The following POU2F3 variants were observed in gnomAD, a reference collection of about 807,000 sequenced individuals.
POU2F3 encodes the protein POU class 2 homeobox 3.
Under a neutral mutation model 59.2 loss-of-function variants are expected in POU2F3, and 23 were observed. The observed-to-expected ratio is 0.39, with a 90% CI of 0.28 to 0.55. POU2F3 has a LOEUF of 0.55. POU2F3 is among the 20% of genes least tolerant of loss of function. POU2F3 has a pLI of 0.66. For missense variants in POU2F3, 473 were observed against 544.5 expected (o/e 0.87, Z 1.31); for synonymous variants, 190 against 214.6 (o/e 0.89, Z 1.00).
At chr11:120,272,102 G>A (rs1409036503) in intron 3 of POU2F3, among the ~76,000 whole-genome samples, 1 of 152,144 alleles carries the variant, frequency 6.6e-6, no homozygotes, top group East Asian at 1.9e-4. Context: ...TAACCGCCAG[G>A]CTCGGGGCAA....
chr11:120,313,924 G>T (rs753809369), intron 10 of POU2F3, among the ~76,000 whole-genome samples: 18 of 152,182 alleles, frequency 1.2e-4, no homozygotes, highest in South Asian at 2.1e-4. Context: ...TGAGACAAAA[G>T]AATCGCTTGA....
At chr11:120,247,426 T>C (rs530673839) in intron 2 of POU2F3, among the ~76,000 whole-genome samples, 20 of 152,166 alleles carry the variant, frequency 1.3e-4, no homozygotes, top group Non-Finnish European at 2.4e-4. Context: ...TAATTGGGGG[T>C]CTTGGCGGGG....
intron 3 of POU2F3, among the ~76,000 whole-genome samples, chr11:120,291,355 T>A (rs1478125442): frequency 6.6e-6 from 1 of 152,208 alleles, no homozygotes; most frequent in African/African-American, 2.4e-5. Context: ...AGCCCTGGCT[T>A]GGTCTTTAGG....
At chr11:120,278,026 A>G (rs939883959) in intron 3 of POU2F3, among the ~76,000 whole-genome samples, 1 of 152,210 alleles carries the variant, frequency 6.6e-6, no homozygotes, top group African/African-American at 2.4e-5. Context: ...AAAGTGTTAA[A>G]CAACTCTTTG....
At chr11:120,255,335 T>C (rs1199498346) in intron 2 of POU2F3, among the ~76,000 whole-genome samples, 1 of 151,906 alleles carries the variant, frequency 6.6e-6, no homozygotes, top group Non-Finnish European at 1.5e-5. Flanking sequence ...CTGCTTGGGC[T>C]GGAAAAAGGA....
At position 120,280,984 on chromosome 11, in the gene POU2F3, C is replaced by T. The variant is rs532767393; in HGVS notation, c.132+11740C>T. ...CCTGTGTGTGCCTGCAGGGAGGGGG[C>T]GGGCCCTGGCTTTCTCTTTGCCCCC... On this transcript the variant is annotated intron_variant, in intron 3 of 12. Coordinates refer to ENST00000543440, the MANE Select transcript of POU2F3 (RefSeq NM_014352.4). Among the ~76,000 whole-genome samples the T allele has an allele frequency of 2.6e-4, 40 of 152,252 alleles. 1 individual carries two copies. In the South Asian group the frequency reaches 7.9e-3, roughly 30 times the overall value.
intron 2 of POU2F3, among the ~76,000 whole-genome samples, chr11:120,264,628 C>A (rs569679205): frequency 1.3e-5 from 2 of 152,120 alleles, no homozygotes; most frequent in Non-Finnish European, 2.9e-5. Context: ...AGAAGCCTAG[C>A]CATCAGCTTA....
At chr11:120,297,193 T>G (rs934495477) in intron 3 of POU2F3, among the ~76,000 whole-genome samples, 2 of 152,190 alleles carry the variant, frequency 1.3e-5, no homozygotes, top group Non-Finnish European at 2.9e-5. Context: ...TAAAGTCACA[T>G]GGACACCCTC....
intron 3 of POU2F3, among the ~76,000 whole-genome samples, chr11:120,276,148 G>A (rs116274928): frequency 0.043 from 6,486 of 152,270 alleles, 446 homozygotes; most frequent in African/African-American, 0.14. Flanking sequence ...CCCACAACCA[G>A]GAGCAGCCTC....
upstream of POU2F3, chr11:120,236,709 T>G: frequency 6.7e-7 from 1 of 1,488,852 alleles, no homozygotes; most frequent in South Asian, 1.2e-5. Flanking sequence ...GAGGAAGGGG[T>G]AAAGGAGTTC....
rs912919671 is a variant in POU2F3, at chr11:120,305,126, G to A, written c.541G>A (p.Gly181Arg). Residue 181 changes from glycine (G) to arginine (R), a missense_variant, in exon 7 of 13, where the codon GGG (glycine) becomes AGG (arginine). Coordinates refer to ENST00000543440, the MANE Select transcript of POU2F3 (RefSeq NM_014352.4). The part of the protein sequence containing the change: ...PVPKHLPSSG[G>R]ADEPSDLEEL... The stretch of plus-strand genomic sequence containing the variant: ...GCCCAAGCATCTACCCAGCTCTGGA[G>A]GGGCCGATGAGCCCAGTGACCTCGA... The A allele has an allele frequency of 6.2e-7, 1 of 1,613,988 alleles. No individual in the cohort carries two copies. Among genetic ancestry groups the A allele is most frequent in the East Asian group, 2.2e-5 (1 of 44,862 alleles).
chr11:120,294,623 A>G (rs912360185), intron 3 of POU2F3, among the ~76,000 whole-genome samples: 29 of 152,368 alleles, frequency 1.9e-4, no homozygotes, highest in Middle Eastern at 6.8e-3. Flanking sequence ...TAACAGCTGT[A>G]AAAAGGGATT....
At chr11:120,299,050 C>T (rs776685028) in intron 4 of POU2F3, among the ~76,000 whole-genome samples, 77 of 152,310 alleles carry the variant, frequency 5.1e-4, no homozygotes, top group African/African-American at 1.5e-3. Context: ...CCCCAAGCAT[C>T]GGAATTATTA....
At chr11:120,261,678 G>A (rs948514482) in intron 2 of POU2F3, among the ~76,000 whole-genome samples, 2 of 152,190 alleles carry the variant, frequency 1.3e-5, no homozygotes, top group Admixed American at 6.5e-5. Flanking sequence ...ATGGTGAAGA[G>A]AGTTCTTTGG....
At chr11:120,246,568 T>C (rs1020558537) in intron 2 of POU2F3, 51 bp downstream of exon 2, 38 of 1,583,378 alleles carry the variant, frequency 2.4e-5, no homozygotes, top group Non-Finnish European at 3.2e-5. Context: ...AAGAGAGTTG[T>C]TGGGAATTGT....
At chr11:120,309,066 A>G (rs948389423) in intron 9 of POU2F3, among the ~76,000 whole-genome samples, 1 of 151,460 alleles carries the variant, frequency 6.6e-6, no homozygotes, top group Admixed American at 6.6e-5. Context: ...CACATAACTC[A>G]TCCATGGACT....
intron 3 of POU2F3, among the ~76,000 whole-genome samples, chr11:120,281,217 C>T (rs960633320): frequency 2.0e-5 from 3 of 151,900 alleles, no homozygotes; most frequent in Non-Finnish European, 2.9e-5. Context: ...CAGGTCACAG[C>T]GAGTTTTATG....
At chr11:120,309,396 G>C in intron 9 of POU2F3, 29 bp from the exon 10 acceptor site, 1 of 1,585,048 alleles carries the variant, frequency 6.3e-7, no homozygotes, top group African/African-American at 1.3e-5. Context: ...CCTTCTCTTG[G>C]CCATACTCTG....
intron 2 of POU2F3, among the ~76,000 whole-genome samples, chr11:120,250,963 C>T (rs546333893): frequency 4.7e-5 from 7 of 148,936 alleles, no homozygotes; most frequent in Admixed American, 2.7e-4. Context: ...GGTGACAGAG[C>T]AAAACTCCGT....
Sources: gnomAD v4.1 joint callset for allele counts (sites outside exome capture counted in the v4.1 genomes callset) on GRCh38, gnomAD v4.1.1 for gene constraint, MANE v1.5 for transcripts, NCBI Gene and HGNC (gene_info 2026-07-23, HGNC 2026-07-21) for gene names.